CTNNA2: variants seen among roughly 807,000 people sequenced by gnomAD.
CTNNA2 encodes catenin alpha-2.
In CTNNA2, 42 loss-of-function variants were observed where a neutral mutation model predicts 101.0. The observed-to-expected ratio is 0.42, with a 90% CI of 0.32 to 0.54. The LOEUF is 0.54. CTNNA2 is among the 20% of genes least tolerant of loss of function. CTNNA2 has a pLI of 0.14. For missense variants in CTNNA2, 871 were observed against 1,223.1 expected, an observed-to-expected ratio of 0.71 and a Z score of 4.29; for synonymous variants, 450 against 456.4, an observed-to-expected ratio of 0.99 and a Z score of 0.18.
chr2:79,197,004 C>T (rs1442158703), intron 1 of CTNNA2, among the ~76,000 whole-genome samples: 2 of 152,228 alleles, frequency 1.3e-5, no homozygotes, highest in Non-Finnish European at 1.5e-5. Context: ...CAAGACTTGC[C>T]TCCTTTTCTC....
At chr2:79,766,900 C>T (rs977482016) in intron 3 of CTNNA2, among the ~76,000 whole-genome samples, 1 of 151,926 alleles carries the variant, frequency 6.6e-6, no homozygotes, top group African/African-American at 2.4e-5. Context: ...GGATTATAGA[C>T]ACGCGCCACC....
chr2:79,959,176 C>A (rs1269809198), intron 7 of CTNNA2, among the ~76,000 whole-genome samples: 2 of 152,096 alleles, frequency 1.3e-5, no homozygotes, highest in Non-Finnish European at 2.9e-5. Flanking sequence ...CCACCTCAGC[C>A]TCCTGAGTAA....
intron 11 of CTNNA2, among the ~76,000 whole-genome samples, chr2:80,552,748 C>G (rs1558579095): frequency 6.6e-6 from 1 of 151,966 alleles, no homozygotes; most frequent in African/African-American, 2.4e-5. Context: ...ATACTGTAAG[C>G]AATTGGAATA....
intron 7 of CTNNA2, among the ~76,000 whole-genome samples, chr2:80,095,826 A>AT (rs1157766877): frequency 2.0e-5 from 3 of 151,894 alleles, no homozygotes. Context: ...GGTAGTTTGT[A>AT]TTTCTGTGGG....
At chr2:80,470,902 C>G (rs1431250362) in intron 9 of CTNNA2, among the ~76,000 whole-genome samples, 2 of 152,152 alleles carry the variant, frequency 1.3e-5, no homozygotes, top group Non-Finnish European at 2.9e-5. Context: ...AGTTGGGTCT[C>G]TCTAAGCAAG....
chr2:80,002,443 G>C (rs574674097), intron 7 of CTNNA2, among the ~76,000 whole-genome samples: 1 of 152,124 alleles, frequency 6.6e-6, no homozygotes, highest in Admixed American at 6.6e-5. Context: ...GCTCTAAATC[G>C]TTGTCTACAG....
chr2:79,513,499 T>A (rs1340770933), intron 1 of CTNNA2, among the ~76,000 whole-genome samples: 1 of 151,896 alleles, frequency 6.6e-6, no homozygotes, highest in East Asian at 1.9e-4. Flanking sequence ...CATCTCTTCT[T>A]CCCCCCTTTC....
chr2:80,560,176 A>G (rs547360357), intron 12 of CTNNA2, among the ~76,000 whole-genome samples: 11 of 152,270 alleles, frequency 7.2e-5, no homozygotes, highest in African/African-American at 2.6e-4. Context: ...CAGATGGTAT[A>G]ATTTTTACTT....
At chr2:79,336,145 C>A (rs150915121) in intron 3 of CTNNA2, among the ~76,000 whole-genome samples, 4 of 152,266 alleles carry the variant, frequency 2.6e-5, no homozygotes, top group Admixed American at 6.5e-5. Context: ...TGGTGCATAG[C>A]CTTTAGTAAT....
chr2:79,307,883 T>G (rs1044955159), intron 2 of CTNNA2, among the ~76,000 whole-genome samples: 2 of 152,204 alleles, frequency 1.3e-5, no homozygotes, highest in Non-Finnish European at 2.9e-5. Context: ...ACATTTGTTT[T>G]TTTTCTTTCT....
At chr2:79,515,612 A>G (rs1410695685) in intron 1 of CTNNA2, among the ~76,000 whole-genome samples, 5 of 152,240 alleles carry the variant, frequency 3.3e-5, no homozygotes, top group Non-Finnish European at 1.5e-5. Flanking sequence ...AAGTTATTAA[A>G]GAACTAGCAA....
At chr2:80,354,712 AT>A (rs201959183) in intron 7 of CTNNA2, among the ~76,000 whole-genome samples, 4 of 152,014 alleles carry the variant, frequency 2.6e-5, no homozygotes, top group South Asian at 2.1e-4. Flanking sequence ...CATGTGGGAG[AT>A]TTTTTTTCTA....
chr2:79,250,378 C>T (rs1241870049), intron 2 of CTNNA2, among the ~76,000 whole-genome samples: 5 of 152,222 alleles, frequency 3.3e-5, no homozygotes, highest in East Asian at 1.9e-4. Flanking sequence ...GCCACTTGGT[C>T]CCTTGCAGAC....
intron 1 of CTNNA2, among the ~76,000 whole-genome samples, chr2:79,570,000 C>G (rs1675363240): frequency 6.6e-6 from 1 of 152,114 alleles, no homozygotes; most frequent in East Asian, 1.9e-4. Context: ...AGTACAACAG[C>G]ATTACCTTAT....
intron 3 of CTNNA2, among the ~76,000 whole-genome samples, chr2:79,320,260 A>ATTTTTTT (rs34694986): frequency 4.2e-5 from 5 of 119,786 alleles, no homozygotes; most frequent in African/African-American, 1.6e-4. Flanking sequence ...TTACGTTTCA[A>ATTTTTTT]TTTTTTTTTT....
At chr2:80,536,529 G>A (rs896338889) in intron 9 of CTNNA2, among the ~76,000 whole-genome samples, 5 of 152,110 alleles carry the variant, frequency 3.3e-5, no homozygotes, top group African/African-American at 1.2e-4. Context: ...TCAGTGTTTG[G>A]GAGTTGAATG....
At chr2:80,292,291 T>G (rs991714242) in intron 7 of CTNNA2, among the ~76,000 whole-genome samples, 1 of 152,118 alleles carries the variant, frequency 6.6e-6, no homozygotes, top group Non-Finnish European at 1.5e-5. Flanking sequence ...GTCCATTTTA[T>G]AGATGAAGGA....
At chr2:80,031,536 A>C (rs1695287045) in intron 7 of CTNNA2, among the ~76,000 whole-genome samples, 1 of 152,204 alleles carries the variant, frequency 6.6e-6, no homozygotes, top group Non-Finnish European at 1.5e-5. Context: ...AACAGCAGGA[A>C]AAATCTGTAC....
intron 8 of CTNNA2, among the ~76,000 whole-genome samples, chr2:80,394,350 C>G (rs1266543751): frequency 1.3e-5 from 2 of 152,214 alleles, no homozygotes; most frequent in African/African-American, 4.8e-5. Context: ...AAGACATCAC[C>G]TGAAGGTGTA....
Sources: gnomAD v4.1 joint callset for allele counts (sites outside exome capture counted in the v4.1 genomes callset) on GRCh38, gnomAD v4.1.1 for gene constraint, MANE v1.5 for transcripts, NCBI Gene and HGNC (gene_info 2026-07-23, HGNC 2026-07-21) for gene names.